The following SSBP2 variants were observed in gnomAD, a reference collection of about 807,000 sequenced individuals.
The protein encoded by SSBP2 is single stranded DNA binding protein 2.
In SSBP2, 17 loss-of-function variants were observed where a neutral mutation model predicts 61.8. The observed-to-expected ratio is 0.28, with a 90% CI of 0.19 to 0.41. SSBP2 has a LOEUF of 0.41. Among genes scored for constraint, SSBP2 ranks in the 10% least tolerant of loss-of-function variants. The pLI is 1.00. For synonymous variants in SSBP2, 139 were observed against 141.3 expected (o/e 0.98, Z 0.12); for missense variants, 310 against 458.7 (o/e 0.68, Z 2.96).
intron 6 of SSBP2, among the ~76,000 whole-genome samples, chr5:81,488,063 A>ATATAT (rs1425988492): frequency 2.1e-5 from 2 of 93,764 alleles, no homozygotes; most frequent in Non-Finnish European, 4.9e-5. Context: ...ATATATAAAT[A>ATATAT]AAATATCATA....
chr5:81,575,753 G>A (rs921751697), intron 4 of SSBP2, among the ~76,000 whole-genome samples: 3 of 152,136 alleles, frequency 2.0e-5, no homozygotes, highest in African/African-American at 7.2e-5. Context: ...ATATGAGGCT[G>A]TAGAAAATTT....
intron 4 of SSBP2, among the ~76,000 whole-genome samples, chr5:81,594,281 A>G (rs1743463821): frequency 6.6e-6 from 1 of 152,370 alleles, no homozygotes; most frequent in South Asian, 2.1e-4. Flanking sequence ...CAATTCAACA[A>G]GAAGAGCTAA....
intron 1 of SSBP2, among the ~76,000 whole-genome samples, chr5:81,690,092 C>T (rs937358380): frequency 2.0e-5 from 3 of 151,498 alleles, no homozygotes; most frequent in African/African-American, 7.3e-5. Context: ...AAAAAGAATA[C>T]AACAGATAAA....
chr5:81,444,375 G>A (rs1182596388), intron 12 of SSBP2, among the ~76,000 whole-genome samples: 1 of 152,104 alleles, frequency 6.6e-6, no homozygotes, highest in Non-Finnish European at 1.5e-5. Context: ...CTATCGAAGG[G>A]CTATCTCAAA....
intron 1 of SSBP2, among the ~76,000 whole-genome samples, chr5:81,747,707 T>C (rs1020242927): frequency 6.6e-6 from 1 of 152,182 alleles, no homozygotes; most frequent in Admixed American, 6.5e-5. Context: ...GGCACCTTAA[T>C]GTTCAAGATA....
At chr5:81,616,784 G>A (rs1196617767) in intron 3 of SSBP2, among the ~76,000 whole-genome samples, 2 of 151,756 alleles carry the variant, frequency 1.3e-5, no homozygotes, top group Non-Finnish European at 2.9e-5. Flanking sequence ...CCTCAAGTGG[G>A]TCCCTGACCC....
At chr5:81,421,829 T>C (rs562213285) in intron 16 of SSBP2, among the ~76,000 whole-genome samples, 26 of 152,268 alleles carry the variant, frequency 1.7e-4, no homozygotes, top group Non-Finnish European at 2.8e-4. Context: ...GCATATGACA[T>C]GTGATTAGTG....
chr5:81,627,737 G>A (rs1747314072), intron 3 of SSBP2, among the ~76,000 whole-genome samples: 2 of 152,070 alleles, frequency 1.3e-5, no homozygotes, highest in Admixed American at 6.6e-5. Context: ...TTTAAAAGGT[G>A]CTCTATATTT....
At chr5:81,664,604 C>G (rs1750958441) in intron 1 of SSBP2, among the ~76,000 whole-genome samples, 1 of 152,196 alleles carries the variant, frequency 6.6e-6, no homozygotes, top group Admixed American at 6.5e-5. Context: ...AGATACCTAT[C>G]TTAGCACAGC....
intron 4 of SSBP2, among the ~76,000 whole-genome samples, chr5:81,593,834 A>C (rs1561580075): frequency 6.6e-6 from 1 of 152,190 alleles, no homozygotes; most frequent in African/African-American, 2.4e-5. Flanking sequence ...AGGAACTCCT[A>C]AAGGAAGCAC....
At chr5:81,633,084 C>T (rs1396904733) in intron 3 of SSBP2, among the ~76,000 whole-genome samples, 1 of 149,924 alleles carries the variant, frequency 6.7e-6, no homozygotes, top group African/African-American at 2.5e-5. Context: ...GATTTTCCTC[C>T]TACCTTTTTA....
At chr5:81,461,711 G>A (rs1764556949) in intron 9 of SSBP2, among the ~76,000 whole-genome samples, 1 of 151,962 alleles carries the variant, frequency 6.6e-6, no homozygotes, top group Non-Finnish European at 1.5e-5. Flanking sequence ...CATAATTTCA[G>A]TCCAGATAGT....
chr5:81,545,583 T>G (rs959949696), intron 4 of SSBP2, among the ~76,000 whole-genome samples: 6 of 152,188 alleles, frequency 3.9e-5, no homozygotes, highest in Admixed American at 2.6e-4. Context: ...ACACAACAAC[T>G]GAGATTCATG....
intron 4 of SSBP2, among the ~76,000 whole-genome samples, chr5:81,592,563 C>G (rs904979633): frequency 6.6e-6 from 1 of 152,226 alleles, no homozygotes; most frequent in Non-Finnish European, 1.5e-5. Flanking sequence ...TCCCTGACCC[C>G]TGAGTAGCCT....
At chr5:81,463,678 T>C (rs1206682461) in intron 9 of SSBP2, among the ~76,000 whole-genome samples, 3 of 151,540 alleles carry the variant, frequency 2.0e-5, no homozygotes, top group African/African-American at 7.3e-5. Context: ...CCAACCTGGG[T>C]GCAGAAGTCT....
chr5:81,588,980 C>T (rs1177646868), intron 4 of SSBP2, among the ~76,000 whole-genome samples: 1 of 152,112 alleles, frequency 6.6e-6, no homozygotes. Flanking sequence ...GGAAAAAACT[C>T]CTTGAGCCCA....
chr5:81,575,549 G>C (rs1774151515), intron 4 of SSBP2, among the ~76,000 whole-genome samples: 1 of 151,936 alleles, frequency 6.6e-6, no homozygotes. Flanking sequence ...TGGGAGGTAG[G>C]AAAAGGATGG....
chr5:81,746,407 T>C (rs1250248510), intron 1 of SSBP2, among the ~76,000 whole-genome samples: 1 of 152,130 alleles, frequency 6.6e-6, no homozygotes, highest in Non-Finnish European at 1.5e-5. Flanking sequence ...AAATCCTGAA[T>C]TGTGCGAATT....
intron 4 of SSBP2, among the ~76,000 whole-genome samples, chr5:81,582,864 A>G (rs965837157): frequency 6.6e-6 from 1 of 152,148 alleles, no homozygotes; most frequent in Non-Finnish European, 1.5e-5. Context: ...AAAGTGCTGG[A>G]TTACAGGTGT....
Sources: gnomAD v4.1 joint callset for allele counts (sites outside exome capture counted in the v4.1 genomes callset) on GRCh38, gnomAD v4.1.1 for gene constraint, MANE v1.5 for transcripts, NCBI Gene and HGNC (gene_info 2026-07-23, HGNC 2026-07-21) for gene names.